Variants in GYPC observed in about 807,000 individuals in gnomAD.
The protein encoded by GYPC is glycophorin-C.
In GYPC, 14 loss-of-function variants were observed where a neutral mutation model predicts 12.6. The ratio of observed to expected loss-of-function variants is 1.11; its 90% CI spans 0.74 to 1.74. The LOEUF is 1.74. Ranked by LOEUF, GYPC falls within the 40% of genes most tolerant of loss-of-function variation. The pLI, the probability that GYPC is intolerant of heterozygous loss-of-function variation, is 0.00. For missense variants in GYPC, 225 were observed against 172.1 expected (o/e 1.31, Z -1.72); for synonymous variants, 78 against 62.1 (o/e 1.26, Z -1.20).
chr2:126,695,726 G>C (rs953342198), intron 3 of GYPC, among the ~76,000 whole-genome samples: 4 of 152,204 alleles, frequency 2.6e-5, no homozygotes, highest in African/African-American at 4.8e-5. Flanking sequence ...GCCAAGCTTC[G>C]ATGCTCAGTA....
At chr2:126,682,526 G>T (rs552115791) in intron 1 of GYPC, among the ~76,000 whole-genome samples, 314 of 152,220 alleles carry the variant, frequency 2.1e-3, no homozygotes, top group Non-Finnish European at 3.5e-3. Context: ...CCTGGTTGCC[G>T]CTCACTCTCA....
chr2:126,692,038 T>C (rs907853400), intron 2 of GYPC, among the ~76,000 whole-genome samples: 1 of 152,196 alleles, frequency 6.6e-6, no homozygotes, highest in Admixed American at 6.5e-5. Context: ...AGTGAATATT[T>C]ATTGAGTACC....
chr2:126,696,341 G>A lies in GYPC; in HGVS notation c.*199G>A. ...CTCGCGCTACAAGAGGCCACTCCCA[G>A]GGACCCAGGGAGGCGATGGCCACCC... On this transcript the variant is annotated 3_prime_UTR_variant, in exon 4 of 4. Coordinates refer to ENST00000259254, the MANE Select transcript of GYPC (RefSeq NM_002101.5). 3.4e-6 allele frequency: 2 copies of A among 591,186 alleles called. No homozygotes were observed. Among genetic ancestry groups the A allele is most frequent in the South Asian group, 3.8e-5 (2 of 53,146 alleles). 36.6% of individuals were successfully genotyped at this position (591,186 alleles called of 1,614,324 possible). A position where few individuals can be genotyped will look rare whatever the true frequency, so the allele number is the denominator to read the frequency against.
At chr2:126,690,014 C>A (rs183030209) in intron 1 of GYPC, among the ~76,000 whole-genome samples, 1 of 152,156 alleles carries the variant, frequency 6.6e-6, no homozygotes, top group African/African-American at 2.4e-5. Context: ...CTTAAATGGG[C>A]CTGGAGTGAC....
At chr2:126,692,221 A>G (rs1283982205) in intron 2 of GYPC, among the ~76,000 whole-genome samples, 1 of 151,902 alleles carries the variant, frequency 6.6e-6, no homozygotes, top group Non-Finnish European at 1.5e-5. Flanking sequence ...CCAGATCCTG[A>G]GCCAGTGTTC....
chr2:126,685,049 G>GGGGCA lies in GYPC; in HGVS notation c.50-5205_50-5201dup, dbSNP rs28387187. On this transcript the variant is annotated intron_variant, in intron 1 of 3. Coordinates refer to ENST00000259254, the MANE Select transcript of GYPC (RefSeq NM_002101.5). ...TAATAAGCTATTCATTTATTTCTTGGGGGCACTTTATTCTGAGACCCTACA... is the reference window on the plus strand; with the variant it reads ...TAATAAGCTATTCATTTATTTCTTGGGGGCAGGGCACTTTATTCTGAGACCCTACA... Among the ~76,000 whole-genome samples the GGGGCA allele has an allele frequency of 8.2e-3, 1,247 of 152,248 alleles. 9 individuals are homozygous for GGGGCA. Among genetic ancestry groups the GGGGCA allele is most frequent in the African/African-American group, 0.028 (1,172 of 41,534 alleles).
At chr2:126,695,630 A>G (rs1025527910) in intron 3 of GYPC, among the ~76,000 whole-genome samples, 7 of 152,186 alleles carry the variant, frequency 4.6e-5, no homozygotes, top group African/African-American at 1.2e-4. Flanking sequence ...ATGATACACT[A>G]TATTATAAAA....
intron 2 of GYPC, 134 bp downstream of exon 2, chr2:126,690,445 C>G: frequency 2.7e-6 from 2 of 747,756 alleles, no homozygotes; most frequent in East Asian, 2.7e-5. Context: ...GACCTAAGGA[C>G]TTGGACAGGG....
chr2:126,688,725 T>G (rs1683362556), intron 1 of GYPC, among the ~76,000 whole-genome samples: 1 of 152,112 alleles, frequency 6.6e-6, no homozygotes, highest in South Asian at 2.1e-4. Flanking sequence ...TGCTTCCTGC[T>G]GTGGACCCCT....
chr2:126,674,722 C>G (rs184014370), intron 1 of GYPC, among the ~76,000 whole-genome samples: 2 of 152,250 alleles, frequency 1.3e-5, no homozygotes, highest in South Asian at 4.1e-4. Context: ...CTGCTGGTGC[C>G]GAAAGCCCAA....
At chr2:126,660,313 T>A (rs1469197160) in intron 1 of GYPC, among the ~76,000 whole-genome samples, 1 of 152,258 alleles carries the variant, frequency 6.6e-6, no homozygotes, top group Non-Finnish European at 1.5e-5. Context: ...GGGCTGCTGC[T>A]GCCCTTGCCC....
intron 1 of GYPC, among the ~76,000 whole-genome samples, chr2:126,659,462 A>C (rs1455061458): frequency 6.6e-6 from 1 of 152,178 alleles, no homozygotes; most frequent in African/African-American, 2.4e-5. Context: ...GAAATACCTC[A>C]GCACCTCAGT....
intron 1 of GYPC, among the ~76,000 whole-genome samples, chr2:126,660,504 C>T (rs1682506426): frequency 6.6e-6 from 1 of 152,198 alleles, no homozygotes. Flanking sequence ...AGAAAACGAC[C>T]CACCACAGCC....
At chr2:126,665,444 G>T (rs777025609) in intron 1 of GYPC, among the ~76,000 whole-genome samples, 14 of 152,180 alleles carry the variant, frequency 9.2e-5, no homozygotes, top group Admixed American at 2.6e-4. Flanking sequence ...TCAGGCATCC[G>T]CTGGGGGTCT....
At chr2:126,680,107 G>C (rs1251735117) in intron 1 of GYPC, 1 of 152,078 alleles carries the variant, frequency 6.6e-6, no homozygotes, top group Non-Finnish European at 1.5e-5. Flanking sequence ...TCCAGTGGGG[G>C]GTCCAGAGTG....
At chr2:126,687,130 C>T (rs754293256) in intron 1 of GYPC, among the ~76,000 whole-genome samples, 5 of 152,242 alleles carry the variant, frequency 3.3e-5, no homozygotes, top group African/African-American at 1.2e-4. Flanking sequence ...GCCTTGGAGC[C>T]GTGGATGGCA....
intron 1 of GYPC, chr2:126,685,911 C>T: frequency 4.1e-6 from 4 of 985,366 alleles, no homozygotes; most frequent in Non-Finnish European, 3.6e-6. Flanking sequence ...CCCAGAACAC[C>T]TAGGTGTTCT....
intron 1 of GYPC, among the ~76,000 whole-genome samples, chr2:126,687,706 C>G (rs1430369838): frequency 6.6e-6 from 1 of 152,216 alleles, no homozygotes; most frequent in Non-Finnish European, 1.5e-5. Context: ...GGAGGGAGCC[C>G]ACATTGGGAG....
chr2:126,686,385 T>A, intron 1 of GYPC: 1 of 985,692 alleles, frequency 1.0e-6, no homozygotes. Flanking sequence ...GGCTGCCTTC[T>A]GCCAGAGAAT....
Sources: gnomAD v4.1 joint callset for allele counts (sites outside exome capture counted in the v4.1 genomes callset) on GRCh38, gnomAD v4.1.1 for gene constraint, MANE v1.5 for transcripts, NCBI Gene and HGNC (gene_info 2026-07-23, HGNC 2026-07-21) for gene names.